The following SNX29 variants were observed in gnomAD, a reference collection of about 807,000 sequenced individuals.
SNX29 encodes the protein sorting nexin 29.
SNX29 carries 78 observed loss-of-function variants against 102.1 expected under a neutral mutation model. That is an observed-to-expected ratio of 0.76 (90% CI 0.64 to 0.92). The LOEUF is 0.92. SNX29 is among the 40% of genes least tolerant of loss of function. SNX29 has a pLI of 0.00. For synonymous variants in SNX29, 580 were observed against 414.5 expected (o/e 1.40, Z -4.85); for missense variants, 1,280 against 1,061.7 (o/e 1.21, Z -2.86).
chr16:12,078,580 C>A (rs2051703342), intron 10 of SNX29, among the ~76,000 whole-genome samples: 1 of 152,198 alleles, frequency 6.6e-6, no homozygotes, highest in African/African-American at 2.4e-5. Flanking sequence ...AATTATTGGC[C>A]TCTGCACGTG....
At chr16:12,427,795 G>A (rs545716731) in intron 18 of SNX29, among the ~76,000 whole-genome samples, 94 of 152,324 alleles carry the variant, frequency 6.2e-4, no homozygotes, top group African/African-American at 2.0e-3. Context: ...GCCCTGATGT[G>A]TCTTCTTGAA....
intron 19 of SNX29, among the ~76,000 whole-genome samples, chr16:12,499,007 G>A (rs922068342): frequency 6.6e-6 from 1 of 152,140 alleles, no homozygotes; most frequent in Non-Finnish European, 1.5e-5. Context: ...ATCTTTTTAG[G>A]GAGCTGGAAA....
chr16:12,363,746 T>C (rs1311923616), intron 16 of SNX29, among the ~76,000 whole-genome samples: 1 of 152,218 alleles, frequency 6.6e-6, no homozygotes, highest in African/African-American at 2.4e-5. Context: ...TTCAGTGGTA[T>C]CTTTTTATAA....
At position 12,309,306 on chromosome 16, in the gene SNX29, G is replaced by A. The variant is rs948948884; in HGVS notation, c.1782+31270G>A. 1.1e-4 allele frequency among the ~76,000 whole-genome samples: 17 copies of A among 152,130 alleles called. 1 individual carries two copies. Among genetic ancestry groups the A allele is most frequent in the African/African-American group, 3.9e-4 (16 of 41,414 alleles). On this transcript the variant is annotated intron_variant, in intron 15 of 20. Coordinates refer to ENST00000566228, the MANE Select transcript of SNX29 (RefSeq NM_032167.5). The stretch of plus-strand genomic sequence containing the variant: ...AAGTTGGGGAGATGCACAGATAGGG[G>A]CTACCTATCTAGCCTCCCAATGCAA...
intron 15 of SNX29, among the ~76,000 whole-genome samples, chr16:12,311,163 C>G (rs1193080132): frequency 6.6e-6 from 1 of 152,210 alleles, no homozygotes; most frequent in East Asian, 1.9e-4. Flanking sequence ...CATTTGAAAC[C>G]CTGTTGGGAA....
At chr16:12,512,363 AGG>A in intron 19 of SNX29, among the ~76,000 whole-genome samples, 3 of 91,214 alleles carry the variant, frequency 3.3e-5, no homozygotes, top group African/African-American at 1.2e-4. Flanking sequence ...TGGAAGGCCC[AGG>A]GAAAATATAT....
chr16:12,063,552 T>C (rs904766289), intron 9 of SNX29, among the ~76,000 whole-genome samples: 2 of 151,992 alleles, frequency 1.3e-5, no homozygotes, highest in Non-Finnish European at 2.9e-5. Flanking sequence ...ATTCTTTTTG[T>C]ATTTTTAGTA....
chr16:12,111,268 T>G (rs1567215589), intron 11 of SNX29, among the ~76,000 whole-genome samples: 1 of 152,110 alleles, frequency 6.6e-6, no homozygotes, highest in Non-Finnish European at 1.5e-5. Context: ...TCAGCTCACT[T>G]CCCTGCCCAG....
At chr16:12,004,861 A>T (rs6498260) in intron 3 of SNX29, among the ~76,000 whole-genome samples, 59,624 of 152,060 alleles carry the variant, frequency 0.39, 13,368 homozygotes, top group Non-Finnish European at 0.51. Context: ...CCAACAAACT[A>T]TATATACATT....
chr16:12,260,101 C>G (rs1286429409), intron 14 of SNX29, among the ~76,000 whole-genome samples: 2 of 152,182 alleles, frequency 1.3e-5, no homozygotes, highest in Admixed American at 1.3e-4. Flanking sequence ...GTGACCTGAC[C>G]CTATGGCATT....
intron 19 of SNX29, among the ~76,000 whole-genome samples, chr16:12,483,842 C>T (rs778986654): frequency 1.1e-4 from 17 of 152,196 alleles, no homozygotes; most frequent in South Asian, 4.1e-4. Context: ...CAGGTGGTGG[C>T]TTCTAAAGCT....
At chr16:12,187,266 G>A (rs2076533852) in intron 13 of SNX29, among the ~76,000 whole-genome samples, 1 of 152,228 alleles carries the variant, frequency 6.6e-6, no homozygotes, top group African/African-American at 2.4e-5. Flanking sequence ...GACTCTGAAA[G>A]ATATGTTATA....
intron 15 of SNX29, among the ~76,000 whole-genome samples, chr16:12,348,964 T>C (rs78623422): frequency 0.063 from 9,637 of 152,196 alleles, 1,008 homozygotes; most frequent in African/African-American, 0.22. Context: ...ATCGCCCCTC[T>C]GGGAAGACAG....
chr16:12,366,239 G>A (rs1335344341), intron 16 of SNX29, among the ~76,000 whole-genome samples: 1 of 152,040 alleles, frequency 6.6e-6, no homozygotes, highest in Non-Finnish European at 1.5e-5. Context: ...GGTGCTCCGT[G>A]CTTCTCCAAA....
At position 12,095,906 on chromosome 16, in the gene SNX29, A is replaced by T. The variant is rs1405716161; in HGVS notation, c.1402+16991A>T. Among the ~76,000 whole-genome samples the T allele has an allele frequency of 2.0e-5, 3 of 152,112 alleles. No individual in the cohort carries two copies. The East Asian group carries it at 5.8e-4, about 29-fold the overall frequency. ...TTCCTCTTGGCTATTATTGGAAGAG[A>T]TTCTCAACGCTAGTGAGGCGTTCTG... On this transcript the variant is annotated intron_variant, in intron 11 of 20. Coordinates refer to ENST00000566228, the MANE Select transcript of SNX29 (RefSeq NM_032167.5).
chr16:12,532,160 C>G (rs953528064), intron 20 of SNX29, among the ~76,000 whole-genome samples: 2 of 152,200 alleles, frequency 1.3e-5, no homozygotes, highest in Non-Finnish European at 1.5e-5. Context: ...CTGTGTGTTC[C>G]TGGCTCTGTC....
chr16:12,239,958 C>G (rs2142280411), intron 14 of SNX29, among the ~76,000 whole-genome samples: 1 of 152,318 alleles, frequency 6.6e-6, no homozygotes, highest in East Asian at 1.9e-4. Context: ...AGTACCTCTT[C>G]CCAGTCTTTT....
intron 11 of SNX29, among the ~76,000 whole-genome samples, chr16:12,105,258 C>T (rs181507446): frequency 7.1e-6 from 1 of 139,996 alleles, no homozygotes; most frequent in East Asian, 2.5e-4. Flanking sequence ...CATTGTCTCA[C>T]TCTGTCGCTA....
chr16:12,531,810 A>G (rs2076939258), intron 20 of SNX29, among the ~76,000 whole-genome samples: 1 of 152,194 alleles, frequency 6.6e-6, no homozygotes, highest in Non-Finnish European at 1.5e-5. Flanking sequence ...GCGAGGGCAG[A>G]GTGAACGTCT....
Sources: allele counts gnomAD v4.1 joint callset (sites outside exome capture counted in the v4.1 genomes callset), GRCh38; gene constraint gnomAD v4.1.1; transcripts MANE v1.5; gene names NCBI Gene and HGNC (gene_info 2026-07-23, HGNC 2026-07-21).